Variants in SLC7A2 observed in about 807,000 individuals in gnomAD.
The protein encoded by SLC7A2 is cationic amino acid transporter 2.
SLC7A2 carries 48 observed loss-of-function variants against 58.9 expected under a neutral mutation model. That is an observed-to-expected ratio of 0.82 (90% CI 0.65 to 1.04). The LOEUF (loss-of-function observed/expected upper bound fraction) is 1.04, where lower values mean the gene tolerates loss of function less well. Among genes scored for constraint, SLC7A2 ranks in the 50% least tolerant of loss-of-function variants. SLC7A2 has a pLI of 0.00. For synonymous variants in SLC7A2, 363 were observed against 314.5 expected (o/e 1.15, Z -1.63); for missense variants, 1,029 against 818.8 (o/e 1.26, Z -3.13).
At chr8:17,563,484 A>T in intron 11 of SLC7A2, 119 bp from the exon 12 acceptor site, 1 of 665,548 alleles carries the variant, frequency 1.5e-6, no homozygotes, top group Non-Finnish European at 2.7e-6. Flanking sequence ...GCGTGGTTTT[A>T]ACTGTGATTG....
chr8:17,526,646 C>G (rs1348960455), intron 2 of SLC7A2, among the ~76,000 whole-genome samples: 1 of 151,916 alleles, frequency 6.6e-6, no homozygotes, highest in Non-Finnish European at 1.5e-5. Context: ...GAGGTAGTCA[C>G]CTTTATTTTC....
intron 2 of SLC7A2, among the ~76,000 whole-genome samples, chr8:17,527,125 T>A (rs936076338): frequency 1.3e-5 from 2 of 152,286 alleles, no homozygotes; most frequent in African/African-American, 4.8e-5. Flanking sequence ...GATACACAGG[T>A]AGGTAGGGTA....
chr8:17,543,577 G>C lies in SLC7A2; in HGVS notation c.238G>C (p.Val80Leu), dbSNP rs1309800591. Residue 80 changes from valine to leucine, a missense_variant, in exon 3 of 13, where the codon GTG becomes CTG. Physicochemically the swap from Val to Leu is conservative, Grantham distance 32 (BLOSUM62 1). Coordinates refer to ENST00000494857, the MANE Select transcript of SLC7A2 (RefSeq NM_001370338.1). ...VSFLIAALAS[V>L]MAGLCYAEFG... ...CTTCCTCATTGCTGCCCTGGCTTCA[G>C]TGATGGCTGGCCTCTGCTATGCCGA... 1.9e-6 allele frequency: 3 copies of C among 1,611,066 alleles called. No homozygotes were observed. Among genetic ancestry groups the C allele is most frequent in the Non-Finnish European group, 2.5e-6 (3 of 1,178,552 alleles).
intron 7 of SLC7A2, among the ~76,000 whole-genome samples, chr8:17,552,554 CATTCTTAAATAAAT>C (rs1802503544): frequency 1.4e-5 from 2 of 145,056 alleles, no homozygotes; most frequent in East Asian, 2.1e-4. Flanking sequence ...TAGAAATTAT[CATTCTTAAATAAAT>C]GGTGGAAATT....
chr8:17,504,407 G>T (rs975692434), intron 2 of SLC7A2, among the ~76,000 whole-genome samples: 3 of 152,300 alleles, frequency 2.0e-5, no homozygotes, highest in South Asian at 2.1e-4. Context: ...ATACTTTAAA[G>T]TCTTGTATTG....
At chr8:17,513,064 G>A (rs1028009512) in intron 2 of SLC7A2, among the ~76,000 whole-genome samples, 3 of 152,136 alleles carry the variant, frequency 2.0e-5, no homozygotes, top group South Asian at 2.1e-4. Context: ...TGCTTCCACC[G>A]TTTTGTAGAA....
intron 2 of SLC7A2, among the ~76,000 whole-genome samples, chr8:17,536,367 C>T (rs1041693177): frequency 5.9e-5 from 9 of 152,148 alleles, no homozygotes; most frequent in Non-Finnish European, 1.2e-4. Flanking sequence ...GAGTTCGAAA[C>T]CAGCCTGGCC....
chr8:17,500,159 T>C (rs1446612181), intron 1 of SLC7A2: 1 of 152,238 alleles, frequency 6.6e-6, no homozygotes, highest in African/African-American at 2.4e-5. Context: ...TTTTTTATTT[T>C]GCTGTACTCT....
rs267601839 is a variant in SLC7A2 at position 17,565,116 on chromosome 8, C to G, written c.1947C>G (p.Phe649Leu). Residue 649 changes from phenylalanine to leucine, a missense_variant, in exon 13 of 13, where the codon TTC becomes TTG. Physicochemically the swap from Phe to Leu is conservative, Grantham distance 22. Transcript: ENST00000494857. ...DHHPRNLSSP[F>L]IFHEKTSEF ...ACCCAAGAAATCTCAGTTCACCTTT[C>G]ATATTCCATGAAAAGACAAGTGAAT... is the stretch of plus-strand genomic sequence containing the variant. The G allele has an allele frequency of 5.0e-6, 8 of 1,613,186 alleles. No individual in the cohort carries two copies. The highest frequency in any genetic ancestry group is 6.8e-6 in the Non-Finnish European group (8 of 1,179,690).
intron 2 of SLC7A2, among the ~76,000 whole-genome samples, chr8:17,515,020 C>A (rs1211107314): frequency 2.0e-5 from 3 of 152,114 alleles, no homozygotes; most frequent in Non-Finnish European, 4.4e-5. Context: ...AAGGCAGTGC[C>A]TACTATGCTG....
rs113496824 is a variant in SLC7A2, at chr8:17,513,751, G to A, written c.-23+11449G>A. Among the ~76,000 whole-genome samples, 890 of 152,214 alleles carry A rather than the reference G, an allele frequency of 5.8e-3. 6 individuals are homozygous for A. Among genetic ancestry groups the A allele is most frequent in the African/African-American group, 0.02 (823 of 41,532 alleles). ...GAAATAACTGTGGAATCTAAGAAGC[G>A]AGGCAAGGACATTTGACCAAGCAAA... On this transcript the variant is annotated intron_variant, in intron 2 of 12. Coordinates refer to ENST00000494857, the MANE Select transcript of SLC7A2 (RefSeq NM_001370338.1).
At chr8:17,532,845 G>T (rs576268892) in intron 2 of SLC7A2, among the ~76,000 whole-genome samples, 2 of 152,036 alleles carry the variant, frequency 1.3e-5, no homozygotes, top group East Asian at 1.9e-4. Context: ...CACATATATC[G>T]TACTACTCAT....
rs1305119751 is a variant in SLC7A2 at position 17,566,308 on chromosome 8, T to G, written c.*1162T>G. On this transcript the variant is annotated 3_prime_UTR_variant, in exon 13 of 13. Coordinates refer to ENST00000494857, the MANE Select transcript of SLC7A2 (RefSeq NM_001370338.1). ...GCAGCATCATGCAAAGAGGGAAAGA[T>G]GAAGGGATAGAAGAAGAGAAAATCC... is the stretch of plus-strand genomic sequence containing the variant. 6.6e-6 allele frequency: 1 copy of G among 152,172 alleles called. No homozygotes were observed. Among genetic ancestry groups the G allele is most frequent in the Non-Finnish European group, 1.5e-5 (1 of 68,034 alleles). 9.4% of individuals were successfully genotyped at this position (152,172 alleles called of 1,614,324 possible).
At chr8:17,499,475 G>C (rs564957669) in intron 1 of SLC7A2, among the ~76,000 whole-genome samples, 2 of 150,648 alleles carry the variant, frequency 1.3e-5, no homozygotes, top group African/African-American at 2.4e-5. Flanking sequence ...GTGCCCTTTG[G>C]TGGACAACTT....
chr8:17,501,417 G>C (rs1490604789), intron 1 of SLC7A2, among the ~76,000 whole-genome samples: 1 of 152,146 alleles, frequency 6.6e-6, no homozygotes, highest in Non-Finnish European at 1.5e-5. Flanking sequence ...GAGAAGATTT[G>C]AGTTAATAAG....
chr8:17,509,601 C>G (rs999618403), intron 2 of SLC7A2, among the ~76,000 whole-genome samples: 4 of 152,022 alleles, frequency 2.6e-5, no homozygotes, highest in Admixed American at 2.6e-4. Context: ...CCACCACGCC[C>G]AACAATTTCT....
Position 17,534,909 on chromosome 8 carries a change from G to C in SLC7A2, c.-22-8409G>C, listed in dbSNP as rs550567948. ...CTCATCCTCTTCCTTGACTCTCAAG[G>C]TGGAGAAGCTAAGCTCTGTTGTCCA... On this transcript the variant is annotated intron_variant, in intron 2 of 12. Coordinates refer to ENST00000494857, the MANE Select transcript of SLC7A2 (RefSeq NM_001370338.1). Among the ~76,000 whole-genome samples the C allele has an allele frequency of 1.4e-4, 21 of 152,160 alleles. No individual in the cohort carries two copies. In the South Asian group the frequency reaches 4.4e-3, roughly 32 times the overall value.
Position 17,542,027 on chromosome 8 carries a change from CTTAT to C in SLC7A2, c.-22-1286_-22-1283del, listed in dbSNP as rs570524630. On this transcript the variant is annotated intron_variant, in intron 2 of 12. Coordinates refer to ENST00000494857, the MANE Select transcript of SLC7A2 (RefSeq NM_001370338.1). ...AATAATATTTGGCATGGACTTTGGA[CTTAT>C]TTATCTAGAAATCTCAAATATAATA... Among the ~76,000 whole-genome samples the C allele has an allele frequency of 1.3e-4, 20 of 152,112 alleles. No individual in the cohort carries two copies. The South Asian group carries it at 3.5e-3, about 27-fold the overall frequency.
intron 2 of SLC7A2, among the ~76,000 whole-genome samples, chr8:17,527,133 G>T (rs1347087227): frequency 6.6e-6 from 1 of 152,098 alleles, no homozygotes; most frequent in Non-Finnish European, 1.5e-5. Context: ...GGTAGGTAGG[G>T]TACTTAATGC....
Sources: gnomAD v4.1 joint callset for allele counts (sites outside exome capture counted in the v4.1 genomes callset) on GRCh38, gnomAD v4.1.1 for gene constraint, MANE v1.5 for transcripts, NCBI Gene and HGNC (gene_info 2026-07-23, HGNC 2026-07-21) for gene names.